Variants in ZHX3 observed in about 807,000 individuals in gnomAD.
The protein encoded by ZHX3 is zinc fingers and homeoboxes 3, also known as zinc fingers and homeoboxes protein 3.
A neutral mutation model predicts 64.5 loss-of-function variants in ZHX3; 20 were observed. The ratio of observed to expected loss-of-function variants is 0.31; its 90% CI spans 0.22 to 0.45. ZHX3 has a LOEUF of 0.45. ZHX3 is among the 20% of genes least tolerant of loss of function. The probability of loss-of-function intolerance (pLI) is 1.00; values close to 1 mark genes in which losing one functional copy is unlikely to be tolerated. For missense variants in ZHX3, 1,041 were observed against 1,195.8 expected, an observed-to-expected ratio of 0.87 and a Z score of 1.91; for synonymous variants, 423 against 461.6, an observed-to-expected ratio of 0.92 and a Z score of 1.07.
Position 41,263,715 on chromosome 20 carries a change from A to G in ZHX3, c.-151+5275T>C, listed in dbSNP as rs549332903. Among the ~76,000 whole-genome samples the G allele has an allele frequency of 7.2e-5, 11 of 152,168 alleles. No homozygotes were observed. In the South Asian group the frequency reaches 1.9e-3, roughly 26 times the overall value. On this transcript the variant is annotated intron_variant, in intron 2 of 3. Coordinates refer to ENST00000683867, the MANE Select transcript of ZHX3 (RefSeq NM_001384317.1). ...CTCCCGGCTGAGGATTTTTTTTTAAAAAAGAAATAAATTAGATATTTTGAA... is the reference window on the plus strand; with the variant it reads ...CTCCCGGCTGAGGATTTTTTTTTAAGAAAGAAATAAATTAGATATTTTGAA...
chr20:41,205,855 G>A (rs1280555374), intron 2 of ZHX3, among the ~76,000 whole-genome samples: 1 of 152,156 alleles, frequency 6.6e-6, no homozygotes, highest in Non-Finnish European at 1.5e-5. Context: ...TCCCCAAGTG[G>A]GTCCCTGACC....
At chr20:41,293,321 A>T (rs566648326) in intron 1 of ZHX3, among the ~76,000 whole-genome samples, 20 of 152,222 alleles carry the variant, frequency 1.3e-4, no homozygotes, top group Non-Finnish European at 2.8e-4. Flanking sequence ...TTTGAAAAGC[A>T]TGGATTTAGA....
At chr20:41,207,300 A>G (rs2038796559) in intron 2 of ZHX3, among the ~76,000 whole-genome samples, 1 of 152,234 alleles carries the variant, frequency 6.6e-6, no homozygotes, top group Non-Finnish European at 1.5e-5. Context: ...CACACATAAC[A>G]ATATTAACCT....
At chr20:41,214,422 A>G (rs2039377571) in intron 2 of ZHX3, among the ~76,000 whole-genome samples, 1 of 152,210 alleles carries the variant, frequency 6.6e-6, no homozygotes, top group African/African-American at 2.4e-5. Context: ...TAAGAACCCA[A>G]GCAGTCTCGC....
At chr20:41,263,904 G>C (rs1260616341) in intron 2 of ZHX3, among the ~76,000 whole-genome samples, 1 of 151,950 alleles carries the variant, frequency 6.6e-6, no homozygotes, top group Non-Finnish European at 1.5e-5. Flanking sequence ...AAAAGTTGCT[G>C]TGAATAGACT....
rs190016497 is a variant in ZHX3, at chr20:41,234,147, C to A, written c.-150-29081G>T. Among the ~76,000 whole-genome samples the A allele has an allele frequency of 1.6e-4, 24 of 152,344 alleles. 1 individual carries two copies. In the East Asian group the frequency reaches 2.7e-3, roughly 17 times the overall value. ...TCCCCAGCAACATCTAACAGCCTCA[C>A]TCGGGCCCAACTTCCCTGTTGCACT... On this transcript the variant is annotated intron_variant, in intron 2 of 3. Transcript: ENST00000683867.
chr20:41,235,552 C>T (rs1399821880), intron 2 of ZHX3, among the ~76,000 whole-genome samples: 1 of 152,094 alleles, frequency 6.6e-6, no homozygotes, highest in African/African-American at 2.4e-5. Context: ...GCAGAAAAGG[C>T]CTTTGACAAA....
chr20:41,202,595 C>T lies in ZHX3; in HGVS notation c.2322G>A (p.Gln774=). 6.2e-7 allele frequency: 1 copy of T among 1,613,942 alleles called. No individual in the cohort carries two copies. The highest frequency in any genetic ancestry group is 1.1e-5 in the South Asian group (1 of 91,082). ...AGAGCTGCCGCAGCAAGTGCCGCTG[C>T]TGGGCAGTCTTTTTGCAGCTCACTT... The part of the protein sequence containing the change: ...PGKVSCKKTA[Q]QRHLLRQLFV... The change falls in exon 3 of 4, where the codon CAG becomes CAA. Residue 774 remains glutamine, a synonymous_variant. Coordinates refer to ENST00000683867, the MANE Select transcript of ZHX3 (RefSeq NM_001384317.1). This position sits in a 1 kb window ranked among gnomAD's most constrained non-coding sequence, Gnocchi z 7.0.
At chr20:41,244,080 T>C (rs1281495306) in intron 2 of ZHX3, among the ~76,000 whole-genome samples, 1 of 151,996 alleles carries the variant, frequency 6.6e-6, no homozygotes, top group African/African-American at 2.4e-5. Flanking sequence ...TTGCAGGATA[T>C]TTAGTAACAT....
rs575769350 is a variant in ZHX3 at position 41,247,789 on chromosome 20, T to C, written c.-151+21201A>G. 5.9e-5 allele frequency among the ~76,000 whole-genome samples: 9 copies of C among 152,314 alleles called. No homozygotes were observed. In the South Asian group the frequency reaches 1.7e-3, roughly 28 times the overall value. ...TGCCTTTCTAGAGCACATATCATTG[T>C]CTTCAGTGATTCCCTGCAGGACAAA... On this transcript the variant is annotated intron_variant, in intron 2 of 3. Transcript: ENST00000683867.
chr20:41,204,859 A>G lies in ZHX3; in HGVS notation c.58T>C (p.Leu20=), dbSNP rs779308672. Residue 20 remains leucine, a synonymous_variant, in exon 3 of 4, where the codon TTG becomes CTG. Transcript: ENST00000683867. This position sits in a 1 kb window ranked among gnomAD's most constrained non-coding sequence, Gnocchi z 6.6. ...TGGGCCTCCATGCTGGCATCTTGCA[A>G]CACCACAGTCTTCACTGGGATCATG... is the stretch of plus-strand genomic sequence containing the variant. The part of the protein sequence containing the change: ...PCMIPVKTVV[L]QDASMEAQPA... The G allele has an allele frequency of 1.3e-5, 21 of 1,584,018 alleles. No homozygotes were observed. The highest frequency in any genetic ancestry group is 1.7e-5 in the Non-Finnish European group (20 of 1,165,164).
chr20:41,208,938 A>G (rs917604593), intron 2 of ZHX3, among the ~76,000 whole-genome samples: 1 of 152,208 alleles, frequency 6.6e-6, no homozygotes, highest in African/African-American at 2.4e-5. Context: ...ATATTTAGAA[A>G]ACCCCATCGT....
Position 41,237,521 on chromosome 20 carries a change from C to A in ZHX3, c.-151+31469G>T, listed in dbSNP as rs553178999. 3.9e-4 allele frequency among the ~76,000 whole-genome samples: 60 copies of A among 152,190 alleles called. No homozygotes were observed. The East Asian group carries it at 0.011, about 28-fold the overall frequency. On this transcript the variant is annotated intron_variant, in intron 2 of 3. Coordinates refer to ENST00000683867, the MANE Select transcript of ZHX3 (RefSeq NM_001384317.1). ...AGCAAACTATCGCAAGGACAAAAAA[C>A]CAAACACCGCATGTTCTCACTCATA...
At chr20:41,288,390 C>T (rs1038555431) in intron 1 of ZHX3, among the ~76,000 whole-genome samples, 4 of 152,204 alleles carry the variant, frequency 2.6e-5, no homozygotes, top group Non-Finnish European at 5.9e-5. Context: ...CTGAATACTA[C>T]CATCCCTTTT....
intron 1 of ZHX3, among the ~76,000 whole-genome samples, chr20:41,270,493 G>A (rs1237217332): frequency 6.6e-6 from 1 of 151,980 alleles, no homozygotes; most frequent in East Asian, 1.9e-4. Flanking sequence ...GGCTAACACG[G>A]TGAAACCCTG....
chr20:41,261,562 T>C (rs1005822467), intron 2 of ZHX3, among the ~76,000 whole-genome samples: 4 of 152,214 alleles, frequency 2.6e-5, no homozygotes, highest in Non-Finnish European at 5.9e-5. Flanking sequence ...CCTCTACTTC[T>C]TTCTCTAGCA....
intron 1 of ZHX3, among the ~76,000 whole-genome samples, chr20:41,293,521 A>G (rs1295908108): frequency 6.6e-6 from 1 of 152,224 alleles, no homozygotes; most frequent in Non-Finnish European, 1.5e-5. Context: ...CTGATCACGT[A>G]AAAGAATATA....
intron 2 of ZHX3, among the ~76,000 whole-genome samples, chr20:41,256,154 C>A (rs1351049547): frequency 6.6e-6 from 1 of 152,018 alleles, no homozygotes; most frequent in Non-Finnish European, 1.5e-5. Flanking sequence ...TAAACCAAGC[C>A]TTTTTAGCAG....
At chr20:41,214,933 CA>C (rs1381194663) in intron 2 of ZHX3, among the ~76,000 whole-genome samples, 3 of 152,198 alleles carry the variant, frequency 2.0e-5, no homozygotes, top group African/African-American at 7.2e-5. Flanking sequence ...TTACATGCCC[CA>C]TCTTGAAACC....
Sources: gnomAD v4.1 joint callset for allele counts (sites outside exome capture counted in the v4.1 genomes callset) on GRCh38, gnomAD v4.1.1 for gene constraint, Gnocchi (gnomAD v3.1) non-coding constraint, MANE v1.5 for transcripts, NCBI Gene and HGNC (gene_info 2026-07-23, HGNC 2026-07-21) for gene names.